SEC22A: variants seen among roughly 807,000 people sequenced by gnomAD.
SEC22A encodes SEC22 homolog A, vesicle trafficking protein.
A neutral mutation model predicts 35.3 loss-of-function variants in SEC22A; 22 were observed. That is an observed-to-expected ratio of 0.62 (90% CI 0.45 to 0.89). The LOEUF (loss-of-function observed/expected upper bound fraction) is 0.89. SEC22A is among the 40% of genes least tolerant of loss of function. The probability of loss-of-function intolerance (pLI) is 0.00; values close to 1 mark genes in which losing one functional copy is unlikely to be tolerated. For synonymous variants in SEC22A, 119 were observed against 129.5 expected (o/e 0.92, Z 0.55); for missense variants, 354 against 362.5 (o/e 0.98, Z 0.19).
chr3:123,209,045 A>G (rs2108027233), intron 1 of SEC22A, 154 bp from the exon 2 acceptor site: 3 of 550,404 alleles, frequency 5.5e-6, no homozygotes, highest in Non-Finnish European at 9.8e-6. Context: ...CACCCTCCTC[A>G]GCCACCCAAA....
At chr3:123,251,562 A>G (rs924622511) in intron 5 of SEC22A, among the ~76,000 whole-genome samples, 2 of 151,914 alleles carry the variant, frequency 1.3e-5, no homozygotes, top group Non-Finnish European at 2.9e-5. Flanking sequence ...ACATACACTC[A>G]TTTAGTAGTT....
chr3:123,236,118 T>C lies in SEC22A; in HGVS notation c.542-9781T>C, dbSNP rs571436409. The stretch of plus-strand genomic sequence containing the variant: ...GGGGTGATGAAAATATGGAATTAGG[T>C]ATTTATGATTGTTGTACAACTCTGA... On this transcript the variant is annotated intron_variant, in intron 4 of 6. Transcript: ENST00000492595. Among the ~76,000 whole-genome samples, 7 of 152,272 alleles carry C rather than the reference T, an allele frequency of 4.6e-5. No individual in the cohort carries two copies. The East Asian group carries it at 1.4e-3, about 29-fold the overall frequency.
intron 2 of SEC22A, 138 bp from the exon 3 acceptor site, chr3:123,223,421 T>G (rs552576203): frequency 1.6e-6 from 1 of 644,360 alleles, no homozygotes; most frequent in Non-Finnish European, 2.5e-6. Context: ...TTAAATTTTT[T>G]CCTAGAATAT....
chr3:123,266,033 G>GT, intron 6 of SEC22A, among the ~76,000 whole-genome samples: 1 of 152,102 alleles, frequency 6.6e-6, no homozygotes, highest in Non-Finnish European at 1.5e-5. Context: ...GGTAGTTTGT[G>GT]TTTTTTGAGG....
chr3:123,260,694 C>A (rs1189665019), intron 6 of SEC22A, among the ~76,000 whole-genome samples: 3 of 152,106 alleles, frequency 2.0e-5, no homozygotes, highest in Non-Finnish European at 2.9e-5. Context: ...TGTTAAGAGT[C>A]AGAACTGCAA....
At chr3:123,232,502 CCAAA>C (rs922357104) in intron 4 of SEC22A, among the ~76,000 whole-genome samples, 5 of 152,056 alleles carry the variant, frequency 3.3e-5, no homozygotes, top group African/African-American at 1.2e-4. Flanking sequence ...GTGATTTTTA[CCAAA>C]CAGTTAATGA....
At chr3:123,233,478 T>A (rs546585662) in intron 4 of SEC22A, among the ~76,000 whole-genome samples, 1 of 152,340 alleles carries the variant, frequency 6.6e-6, no homozygotes, top group East Asian at 1.9e-4. Context: ...ATGACCTGCA[T>A]AAATCCTGAC....
At chr3:123,241,002 T>TACACACACACACACACACACAC (rs35775511) in intron 4 of SEC22A, among the ~76,000 whole-genome samples, 2 of 142,578 alleles carry the variant, frequency 1.4e-5, no homozygotes, top group East Asian at 4.3e-4. Flanking sequence ...CTCTCTTTCT[T>TACACACACACACACACACACAC]ACACACACAC....
chr3:123,213,158 CAG>C (rs1936967575), intron 2 of SEC22A, among the ~76,000 whole-genome samples: 1 of 152,160 alleles, frequency 6.6e-6, no homozygotes, highest in African/African-American at 2.4e-5. Context: ...GATTGGAAAA[CAG>C]AAGTTCTAGT....
chr3:123,269,812 T>C (rs1938118556), intron 6 of SEC22A, among the ~76,000 whole-genome samples: 1 of 152,020 alleles, frequency 6.6e-6, no homozygotes, highest in Admixed American at 6.6e-5. Context: ...TTTTGTATTT[T>C]TAGTAGAGAC....
At chr3:123,254,676 T>A (rs1937680582) in intron 5 of SEC22A, among the ~76,000 whole-genome samples, 1 of 152,240 alleles carries the variant, frequency 6.6e-6, no homozygotes, top group Non-Finnish European at 1.5e-5. Context: ...CTCTTCTAAT[T>A]TTTTGAGAGA....
intron 2 of SEC22A, 81 bp from the exon 3 acceptor site, chr3:123,223,478 G>T: frequency 1.9e-6 from 2 of 1,049,332 alleles, no homozygotes; most frequent in Non-Finnish European, 2.8e-6. Context: ...GCAGTTTATG[G>T]TGTATAGAAC....
At chr3:123,247,059 A>G (rs552608146) in intron 5 of SEC22A, among the ~76,000 whole-genome samples, 56 of 152,160 alleles carry the variant, frequency 3.7e-4, no homozygotes, top group Non-Finnish European at 3.8e-4. Flanking sequence ...TTTTATGCAC[A>G]GGACAGCTGG....
In SEC22A at chr3:123,271,620, C is replaced by T; in HGVS notation, c.822C>T (p.Arg274=). The change falls in exon 7 of 7, where the codon CGC becomes CGT. Residue 274 remains arginine, a synonymous_variant. Coordinates refer to ENST00000492595, the MANE Select transcript of SEC22A (RefSeq NM_012430.5). ...CLCNMYLYEL[R]NLWQLFFHVT... ...GCAACATGTATCTCTATGAACTGCGCAACCTCTGGCAGCTTTTCTTTCATG... is the reference window on the plus strand; with the variant it reads ...GCAACATGTATCTCTATGAACTGCGTAACCTCTGGCAGCTTTTCTTTCATG... 6.2e-7 allele frequency: 1 copy of T among 1,614,180 alleles called. No homozygotes were observed. The highest frequency in any genetic ancestry group is 8.5e-7 in the Non-Finnish European group (1 of 1,180,010).
At chr3:123,256,758 CTTTTTTTTTT>C (rs386397801) in intron 5 of SEC22A, among the ~76,000 whole-genome samples, 1 of 83,550 alleles carries the variant, frequency 1.2e-5, no homozygotes, top group South Asian at 3.5e-4. Context: ...TTTTTCTTTC[CTTTTTTTTTT>C]TTTTTTTTTG....
chr3:123,204,126 G>A (rs2108021093), intron 1 of SEC22A, among the ~76,000 whole-genome samples: 1 of 152,184 alleles, frequency 6.6e-6, no homozygotes, highest in East Asian at 1.9e-4. Flanking sequence ...AAGATAATTT[G>A]ATAAGCAAAT....
At chr3:123,203,984 G>A (rs1936803518) in intron 1 of SEC22A, among the ~76,000 whole-genome samples, 1 of 152,142 alleles carries the variant, frequency 6.6e-6, no homozygotes, top group African/African-American at 2.4e-5. Flanking sequence ...GAGGTAGAAG[G>A]CATAGGCAAA....
intron 4 of SEC22A, among the ~76,000 whole-genome samples, chr3:123,238,889 T>C (rs1238718017): frequency 6.6e-6 from 1 of 152,180 alleles, no homozygotes; most frequent in Non-Finnish European, 1.5e-5. Context: ...AACTGTTTAT[T>C]ATGGAAATTT....
chr3:123,271,801 C>T lies in SEC22A; in HGVS notation c.*79C>T. 2.5e-6 allele frequency: 3 copies of T among 1,178,086 alleles called. No homozygotes were observed. The highest frequency in any genetic ancestry group is 3.7e-6 in the Non-Finnish European group (3 of 814,798). 73.0% of individuals were successfully genotyped at this position (1,178,086 alleles called of 1,614,324 possible). ...TCATAACTGCACTGTGATGAAGAAG[C>T]TGTTCCCCACAGAGGAGAAGCTCTG... On this transcript the variant is annotated 3_prime_UTR_variant, in exon 7 of 7. Coordinates refer to ENST00000492595, the MANE Select transcript of SEC22A (RefSeq NM_012430.5).
Sources: gnomAD v4.1 joint callset for allele counts (sites outside exome capture counted in the v4.1 genomes callset) on GRCh38, gnomAD v4.1.1 for gene constraint, MANE v1.5 for transcripts, NCBI Gene and HGNC (gene_info 2026-07-23, HGNC 2026-07-21) for gene names.